PTPRM: variants seen among roughly 807,000 people sequenced by gnomAD.
PTPRM encodes protein tyrosine phosphatase receptor type M.
Under a neutral mutation model 186.7 loss-of-function variants are expected in PTPRM, and 47 were observed. The observed-to-expected ratio is 0.25, with a 90% CI of 0.20 to 0.32. The LOEUF is 0.32. Ranked by LOEUF, PTPRM falls within the 10% of genes least tolerant of loss-of-function variation. The pLI is 1.00. For missense variants in PTPRM, 1,494 were observed against 1,865.0 expected (o/e 0.80, Z 3.66); for synonymous variants, 668 against 674.9 (o/e 0.99, Z 0.16).
intron 14 of PTPRM, among the ~76,000 whole-genome samples, chr18:8,153,806 G>C (rs990641410): frequency 5.9e-5 from 9 of 152,140 alleles, no homozygotes; most frequent in Non-Finnish European, 1.2e-4. Flanking sequence ...ACATTGTTTG[G>C]TTAGAAGAAC....
At chr18:7,662,835 C>G (rs1784621) in intron 1 of PTPRM, among the ~76,000 whole-genome samples, 6,301 of 152,026 alleles carry the variant, frequency 0.041, 459 homozygotes, top group African/African-American at 0.14. Flanking sequence ...ATATATACAC[C>G]TATCAGTATG....
At chr18:7,848,759 C>A (rs2046720910) in intron 2 of PTPRM, among the ~76,000 whole-genome samples, 1 of 152,150 alleles carries the variant, frequency 6.6e-6, no homozygotes, top group South Asian at 2.1e-4. Flanking sequence ...CAAAATACTG[C>A]CTTGAAAGAC....
chr18:8,244,284 C>A (rs1385094654), intron 15 of PTPRM, 75 bp downstream of exon 15: 1,953 of 1,086,724 alleles, frequency 1.8e-3, no homozygotes, highest in South Asian at 4.0e-3. Context: ...TAGGGGATTT[C>A]AAAAAAAAAA....
intron 19 of PTPRM, among the ~76,000 whole-genome samples, chr18:8,293,204 A>G (rs1008520060): frequency 6.6e-6 from 1 of 152,242 alleles, no homozygotes; most frequent in African/African-American, 2.4e-5. Context: ...ATGCAGTACA[A>G]TTGGTTATTA....
At chr18:7,785,432 G>A (rs557866337) in intron 2 of PTPRM, among the ~76,000 whole-genome samples, 1 of 151,822 alleles carries the variant, frequency 6.6e-6, no homozygotes, top group African/African-American at 2.4e-5. Context: ...AAAAGTGTGT[G>A]TGTATGTTGA....
chr18:7,758,087 G>A (rs962353202), intron 1 of PTPRM, among the ~76,000 whole-genome samples: 1 of 152,108 alleles, frequency 6.6e-6, no homozygotes, highest in Non-Finnish European at 1.5e-5. Flanking sequence ...TCTAGAACGG[G>A]ACTCAATATT....
At chr18:8,306,633 T>C (rs1241399117) in intron 20 of PTPRM, among the ~76,000 whole-genome samples, 1 of 152,220 alleles carries the variant, frequency 6.6e-6, no homozygotes, top group Admixed American at 6.5e-5. Context: ...ACTGATTGAA[T>C]TCTACAGATC....
At chr18:8,383,968 C>T (rs1389435588) in intron 29 of PTPRM, among the ~76,000 whole-genome samples, 3 of 152,164 alleles carry the variant, frequency 2.0e-5, no homozygotes, top group East Asian at 1.9e-4. Flanking sequence ...TGGCGACTGC[C>T]ATCCACATGA....
chr18:8,181,867 A>AAG (rs1555787467), intron 14 of PTPRM, among the ~76,000 whole-genome samples: 1 of 151,790 alleles, frequency 6.6e-6, no homozygotes, highest in Non-Finnish European at 1.5e-5. Context: ...CGTGAAAAAA[A>AAG]AAAATACCTT....
At chr18:8,292,449 C>A (rs2095052463) in intron 19 of PTPRM, among the ~76,000 whole-genome samples, 1 of 152,114 alleles carries the variant, frequency 6.6e-6, no homozygotes, top group African/African-American at 2.4e-5. Context: ...TCTTAATAAT[C>A]CAAATGTATC....
At chr18:7,905,907 A>G (rs986596759) in intron 3 of PTPRM, among the ~76,000 whole-genome samples, 1 of 152,174 alleles carries the variant, frequency 6.6e-6, no homozygotes, top group African/African-American at 2.4e-5. Context: ...AGATCACCTA[A>G]AGCAATCTGA....
intron 23 of PTPRM, among the ~76,000 whole-genome samples, chr18:8,344,448 G>GTGTATATATATATA (rs1360655194): frequency 1.3e-3 from 45 of 33,408 alleles, no homozygotes; most frequent in African/African-American, 3.1e-3. Flanking sequence ...GTGTGTGTGT[G>GTGTATATATATATA]TATATATATA....
chr18:7,631,043 C>T (rs899421479), intron 1 of PTPRM, among the ~76,000 whole-genome samples: 6 of 152,136 alleles, frequency 3.9e-5, no homozygotes, highest in Admixed American at 1.3e-4. Context: ...CGGGGACTAC[C>T]GGCCAGAAAC....
intron 2 of PTPRM, chr18:7,814,589 C>G (rs1377073343): frequency 6.6e-6 from 1 of 152,152 alleles, no homozygotes; most frequent in Non-Finnish European, 1.5e-5. Flanking sequence ...AATAGTGATG[C>G]TATAAATAGC....
chr18:7,892,261 C>T (rs1331432794), intron 3 of PTPRM, among the ~76,000 whole-genome samples: 7 of 152,170 alleles, frequency 4.6e-5, no homozygotes, highest in Non-Finnish European at 8.8e-5. Flanking sequence ...GCTGGTTTAG[C>T]GTGGCCTTGG....
At chr18:8,101,240 G>A (rs1312783149) in intron 11 of PTPRM, among the ~76,000 whole-genome samples, 1 of 152,110 alleles carries the variant, frequency 6.6e-6, no homozygotes, top group Non-Finnish European at 1.5e-5. Context: ...CACCTCAAAG[G>A]TAATAATAAT....
At chr18:8,170,284 C>T (rs993876942) in intron 14 of PTPRM, among the ~76,000 whole-genome samples, 1 of 152,068 alleles carries the variant, frequency 6.6e-6, no homozygotes, top group Non-Finnish European at 1.5e-5. Flanking sequence ...GTGAGAGCCT[C>T]CCGAAATCTA....
rs150360054 is a variant in PTPRM at position 8,177,020 on chromosome 18, A to G, written c.2300+33241A>G. Among the ~76,000 whole-genome samples the G allele has an allele frequency of 8.9e-4, 135 of 152,122 alleles. 2 individuals are homozygous for G. Among genetic ancestry groups the G allele is most frequent in the African/African-American group, 3.2e-3 (132 of 41,502 alleles). ...AAAAATGTGCACTGATTTCTCAATT[A>G]TGTTTTTACTTTTTTCATATTTCTT... On this transcript the variant is annotated intron_variant, in intron 14 of 32. Coordinates refer to ENST00000580170, the MANE Select transcript of PTPRM (RefSeq NM_001105244.2).
intron 7 of PTPRM, among the ~76,000 whole-genome samples, chr18:7,989,990 G>A (rs975267409): frequency 6.2e-4 from 95 of 152,138 alleles, no homozygotes; most frequent in African/African-American, 2.0e-3. Context: ...TGTAACCTCC[G>A]CCTCCCGGGT....
Sources: gnomAD v4.1 joint callset for allele counts (sites outside exome capture counted in the v4.1 genomes callset) on GRCh38, gnomAD v4.1.1 for gene constraint, MANE v1.5 for transcripts, NCBI Gene and HGNC (gene_info 2026-07-23, HGNC 2026-07-21) for gene names.